The following RBFOX1 variants were observed in gnomAD, a reference collection of about 807,000 sequenced individuals.
The protein encoded by RBFOX1 is RNA binding protein fox-1 homolog 1.
A neutral mutation model predicts 57.7 loss-of-function variants in RBFOX1; 8 were observed. That is an observed-to-expected ratio of 0.14 (90% CI 0.08 to 0.25). The LOEUF is 0.25. RBFOX1 is among the 10% of genes least tolerant of loss of function. RBFOX1 has a pLI of 1.00. For missense variants in RBFOX1, 611 were observed against 548.5 expected, an observed-to-expected ratio of 1.11 and a Z score of -1.14; for synonymous variants, 326 against 222.4, an observed-to-expected ratio of 1.47 and a Z score of -4.15.
intron 1 of RBFOX1, among the ~76,000 whole-genome samples, chr16:5,406,209 C>G (rs1482903018): frequency 6.6e-6 from 1 of 152,026 alleles, no homozygotes; most frequent in African/African-American, 2.4e-5. Context: ...TAAATATTGT[C>G]CCTGGGGTGA....
chr16:7,356,136 C>G (rs924696155), intron 4 of RBFOX1, among the ~76,000 whole-genome samples: 20 of 152,160 alleles, frequency 1.3e-4, no homozygotes, highest in African/African-American at 4.6e-4. Flanking sequence ...GTATGTTCAT[C>G]CAATCCTTTA....
chr16:5,647,431 T>C (rs1363489144), intron 3 of RBFOX1, among the ~76,000 whole-genome samples: 2 of 152,354 alleles, frequency 1.3e-5, no homozygotes, highest in East Asian at 3.9e-4. Context: ...GGTTTCATGT[T>C]TCATGTTTTT....
At chr16:6,777,576 A>G (rs144448767) in intron 3 of RBFOX1, among the ~76,000 whole-genome samples, 1 of 152,142 alleles carries the variant, frequency 6.6e-6, no homozygotes, top group Non-Finnish European at 1.5e-5. Flanking sequence ...AATTCCTGTC[A>G]GATTAGGGGG....
chr16:6,905,477 C>T (rs544085208), intron 3 of RBFOX1, among the ~76,000 whole-genome samples: 24 of 151,106 alleles, frequency 1.6e-4, no homozygotes, highest in African/African-American at 4.9e-4. Context: ...GGCTTGAACC[C>T]GGGAGGCATA....
chr16:7,252,078 T>G (rs2094518137), intron 4 of RBFOX1, among the ~76,000 whole-genome samples: 1 of 152,184 alleles, frequency 6.6e-6, no homozygotes, highest in Admixed American at 6.5e-5. Flanking sequence ...CAAACATGGT[T>G]ACTGAATTTG....
chr16:6,049,532 T>C (rs372728932), intron 1 of RBFOX1, among the ~76,000 whole-genome samples: 72 of 152,304 alleles, frequency 4.7e-4, no homozygotes, highest in African/African-American at 3.6e-4. Flanking sequence ...ATTGTTTTCT[T>C]AAATATTTCA....
chr16:7,170,674 T>G (rs1269544258), intron 4 of RBFOX1, among the ~76,000 whole-genome samples: 1 of 152,188 alleles, frequency 6.6e-6, no homozygotes, highest in African/African-American at 2.4e-5. Context: ...AATTCAGAGT[T>G]GTTTTGTTTT....
At chr16:6,488,423 C>T (rs1351613000) in intron 2 of RBFOX1, among the ~76,000 whole-genome samples, 1 of 152,152 alleles carries the variant, frequency 6.6e-6, no homozygotes, top group African/African-American at 2.4e-5. Context: ...CGATTTCTTC[C>T]CGGGCACTTA....
chr16:6,645,605 A>G (rs1351757937), intron 2 of RBFOX1, among the ~76,000 whole-genome samples: 1 of 152,158 alleles, frequency 6.6e-6, no homozygotes, highest in African/African-American at 2.4e-5. Context: ...AAAAGAACGG[A>G]CACATGAGTG....
chr16:7,022,838 G>C (rs1350007043), intron 3 of RBFOX1, among the ~76,000 whole-genome samples: 2 of 152,162 alleles, frequency 1.3e-5, no homozygotes, highest in Non-Finnish European at 2.9e-5. Flanking sequence ...AGGAAGCTGA[G>C]GGGCAGAGAA....
At chr16:6,389,176 G>T (rs191090124) in intron 2 of RBFOX1, among the ~76,000 whole-genome samples, 29 of 152,320 alleles carry the variant, frequency 1.9e-4, no homozygotes, top group Admixed American at 1.8e-3. Flanking sequence ...GATGCATGCT[G>T]CAGGGATTCA....
intron 3 of RBFOX1, among the ~76,000 whole-genome samples, chr16:6,960,368 C>T (rs1286157256): frequency 6.6e-6 from 1 of 152,134 alleles, no homozygotes; most frequent in Non-Finnish European, 1.5e-5. Context: ...TGTATAAGCT[C>T]TGGAAAACTT....
intron 2 of RBFOX1, among the ~76,000 whole-genome samples, chr16:6,541,257 G>A (rs1234469146): frequency 4.6e-5 from 7 of 152,134 alleles, no homozygotes; most frequent in Non-Finnish European, 7.4e-5. Flanking sequence ...GGAATAGCCC[G>A]GGAAGGAACT....
At chr16:6,964,175 G>T (rs565277481) in intron 3 of RBFOX1, among the ~76,000 whole-genome samples, 3 of 152,010 alleles carry the variant, frequency 2.0e-5, no homozygotes, top group Non-Finnish European at 4.4e-5. Context: ...GTGCCAACAT[G>T]CCTGGCTAAT....
chr16:7,091,527 T>TAA lies in RBFOX1; in HGVS notation c.27+39439_27+39440dup, dbSNP rs199716851. Among the ~76,000 whole-genome samples, 658 of 147,328 alleles carry TAA rather than the reference T, an allele frequency of 4.5e-3. 19 individuals carry two copies. The highest frequency in any genetic ancestry group is 0.034 in the Admixed American group (502 of 14,832). The stretch of plus-strand genomic sequence containing the variant: ...CTTTTACCAATGTAGTTCAGTCACT[T>TAA]AAAAAAAAAAAGAAGAAAACGAAAA... On this transcript the variant is annotated intron_variant, in intron 4 of 15. Coordinates refer to ENST00000550418, the MANE Select transcript of RBFOX1 (RefSeq NM_018723.4).
intron 3 of RBFOX1, among the ~76,000 whole-genome samples, chr16:6,939,296 A>G (rs1366180323): frequency 1.3e-5 from 2 of 152,098 alleles, no homozygotes; most frequent in African/African-American, 2.4e-5. Context: ...ATTTTGGGCC[A>G]ATTTTGCTTG....
At chr16:7,096,934 A>AG (rs1364642053) in intron 4 of RBFOX1, among the ~76,000 whole-genome samples, 1 of 143,738 alleles carries the variant, frequency 7.0e-6, no homozygotes, top group Non-Finnish European at 1.5e-5. Flanking sequence ...TCCATCTCAA[A>AG]AAAAAAAAAA....
intron 3 of RBFOX1, among the ~76,000 whole-genome samples, chr16:5,822,020 G>A (rs751550540): frequency 3.9e-5 from 6 of 152,194 alleles, no homozygotes; most frequent in South Asian, 4.1e-4. Flanking sequence ...AACACTTAAC[G>A]TAAGATCTAT....
At chr16:6,011,703 A>G (rs1262177108) in intron 4 of RBFOX1, among the ~76,000 whole-genome samples, 1 of 152,166 alleles carries the variant, frequency 6.6e-6, no homozygotes, top group Non-Finnish European at 1.5e-5. Context: ...TGAAGCTTGC[A>G]TGTGTCTCCC....
Sources: allele counts gnomAD v4.1 joint callset (sites outside exome capture counted in the v4.1 genomes callset), GRCh38; gene constraint gnomAD v4.1.1; transcripts MANE v1.5; gene names NCBI Gene and HGNC (gene_info 2026-07-23, HGNC 2026-07-21).